LSAMP: variants seen among roughly 807,000 people sequenced by gnomAD.
LSAMP encodes limbic system-associated membrane protein.
In LSAMP, 7 loss-of-function variants were observed where a neutral mutation model predicts 38.6. That is an observed-to-expected ratio of 0.18 (90% CI 0.10 to 0.34). LSAMP has a LOEUF of 0.34. LSAMP is among the 10% of genes least tolerant of loss of function. The pLI is 1.00. For missense variants in LSAMP, 313 were observed against 420.0 expected (o/e 0.75, Z 2.23); for synonymous variants, 154 against 166.8 (o/e 0.92, Z 0.59).
intron 1 of LSAMP, among the ~76,000 whole-genome samples, chr3:116,225,977 C>T (rs1270214265): frequency 6.6e-6 from 1 of 152,124 alleles, no homozygotes; most frequent in Non-Finnish European, 1.5e-5. Context: ...AACTTATGTT[C>T]TGTGCATCTT....
At chr3:116,205,711 AT>A (rs1447421951) in intron 1 of LSAMP, among the ~76,000 whole-genome samples, 1 of 49,938 alleles carries the variant, frequency 2.0e-5, no homozygotes, top group South Asian at 7.6e-4. Context: ...ACATTTATTG[AT>A]TTGCATATAT....
At chr3:115,986,653 C>A (rs545640844) in intron 3 of LSAMP, among the ~76,000 whole-genome samples, 24 of 151,432 alleles carry the variant, frequency 1.6e-4, no homozygotes, top group Admixed American at 4.6e-4. Context: ...GGTGAGTGAT[C>A]ATCTCTACCC....
At chr3:116,278,828 C>A (rs1401697835) in intron 1 of LSAMP, among the ~76,000 whole-genome samples, 1 of 151,270 alleles carries the variant, frequency 6.6e-6, no homozygotes, top group African/African-American at 2.5e-5. Flanking sequence ...TGGATATCTG[C>A]CAAATTAAGT....
At chr3:116,174,879 C>CT (rs1710298661) in intron 1 of LSAMP, among the ~76,000 whole-genome samples, 1 of 152,126 alleles carries the variant, frequency 6.6e-6, no homozygotes, top group African/African-American at 2.4e-5. Flanking sequence ...GTCTTTGAAC[C>CT]TGGCTATATG....
At chr3:115,852,952 A>G (rs1252976342) in intron 3 of LSAMP, among the ~76,000 whole-genome samples, 1 of 152,112 alleles carries the variant, frequency 6.6e-6, no homozygotes, top group African/African-American at 2.4e-5. Flanking sequence ...CTCATGTCCC[A>G]CTTCAAAATT....
intron 2 of LSAMP, among the ~76,000 whole-genome samples, chr3:116,079,210 C>T (rs1282532013): frequency 1.3e-5 from 2 of 152,182 alleles, no homozygotes; most frequent in Admixed American, 6.5e-5. Flanking sequence ...TCCCAACTTT[C>T]CCAGATGTTT....
At chr3:116,325,815 C>T (rs1419222099) in intron 1 of LSAMP, among the ~76,000 whole-genome samples, 2 of 152,062 alleles carry the variant, frequency 1.3e-5, no homozygotes, top group South Asian at 4.1e-4. Context: ...TATTATTGAC[C>T]ACTACAGCAG....
intron 3 of LSAMP, among the ~76,000 whole-genome samples, chr3:116,001,772 CTCTGACCTTCCTGCTTCTCTCTG>C (rs1486387254): frequency 6.6e-6 from 1 of 152,224 alleles, no homozygotes; most frequent in Non-Finnish European, 1.5e-5. Flanking sequence ...TCCCTTGGCA[CTCTGACCTTCCTGCTTCTCTCTG>C]ATAAAGATCT....
rs558222344 is a variant in LSAMP, at chr3:115,933,652, C to T, written c.515-81035G>A. Among the ~76,000 whole-genome samples the T allele has an allele frequency of 2.6e-5, 4 of 152,242 alleles. No individual in the cohort carries two copies. The East Asian group carries it at 5.8e-4, about 22-fold the overall frequency. ...CCTGGTCTGCATAGGCATAGGAGCA[C>T]CCCTGGAAGAGTGTGCAGAGAAAAG... is the stretch of plus-strand genomic sequence containing the variant. On this transcript the variant is annotated intron_variant, in intron 3 of 6. Transcript: ENST00000490035.
intron 3 of LSAMP, among the ~76,000 whole-genome samples, chr3:115,868,208 C>T (rs573269928): frequency 2.4e-4 from 36 of 152,228 alleles, no homozygotes; most frequent in African/African-American, 8.4e-4. Flanking sequence ...ACAGAAAGAG[C>T]TGTGGGCCAT....
At chr3:116,027,907 G>A (rs1181763560) in intron 2 of LSAMP, among the ~76,000 whole-genome samples, 1 of 152,142 alleles carries the variant, frequency 6.6e-6, no homozygotes, top group African/African-American at 2.4e-5. Context: ...GTACAAATTA[G>A]CAACAAATTA....
chr3:116,289,433 A>G (rs1207520996), intron 1 of LSAMP, among the ~76,000 whole-genome samples: 1 of 152,200 alleles, frequency 6.6e-6, no homozygotes, highest in Non-Finnish European at 1.5e-5. Context: ...TCAAGAAAAC[A>G]GAATATCCAC....
rs141907207 is a variant in LSAMP, at chr3:116,319,526, A to G, written c.155+125351T>C. 5.2e-3 allele frequency among the ~76,000 whole-genome samples: 785 copies of G among 152,330 alleles called. 6 individuals are homozygous for G. The highest frequency in any genetic ancestry group is 0.017 in the Middle Eastern group (5 of 294). On this transcript the variant is annotated intron_variant, in intron 1 of 6. Transcript: ENST00000490035. ...CCTAGCTAATACATCAAACACAAAC[A>G]TGAATGAATAATAAATTTTTTAAAT...
intron 3 of LSAMP, among the ~76,000 whole-genome samples, chr3:115,863,615 A>T (rs1198330293): frequency 6.6e-6 from 1 of 151,812 alleles, no homozygotes; most frequent in African/African-American, 2.4e-5. Flanking sequence ...TGTTTACATA[A>T]TGTTAACAAT....
rs58596077 is a variant in LSAMP at position 116,221,844 on chromosome 3, AGTGTGTGT to A, written c.156-135296_156-135289del. Among the ~76,000 whole-genome samples the A allele has an allele frequency of 2.5e-4, 36 of 145,480 alleles. No homozygotes were observed. In the East Asian group the frequency reaches 5.8e-3, roughly 23 times the overall value. ...AACATTCTGCGTGATCCTAAAAAGA[AGTGTGTGT>A]GTGTGTGTGTGTGTGTGTGTGTGTG... On this transcript the variant is annotated intron_variant, in intron 1 of 6. Coordinates refer to ENST00000490035, the MANE Select transcript of LSAMP (RefSeq NM_002338.5).
chr3:115,884,530 C>T (rs944291507), intron 3 of LSAMP, among the ~76,000 whole-genome samples: 4 of 147,868 alleles, frequency 2.7e-5, no homozygotes, highest in Non-Finnish European at 4.6e-5. Flanking sequence ...TGATCATGGA[C>T]GATTAGAGAT....
At chr3:116,051,902 C>G (rs1941403529) in intron 2 of LSAMP, among the ~76,000 whole-genome samples, 1 of 152,180 alleles carries the variant, frequency 6.6e-6, no homozygotes, top group South Asian at 2.1e-4. Context: ...ACTAGTGGAA[C>G]AGCTGTCATA....
chr3:115,947,028 A>G (rs1938122024), intron 3 of LSAMP, among the ~76,000 whole-genome samples: 2 of 152,158 alleles, frequency 1.3e-5, no homozygotes, highest in Non-Finnish European at 1.5e-5. Flanking sequence ...CACCATATTA[A>G]CAGAATAAAT....
At chr3:116,167,416 G>A (rs1710086751) in intron 1 of LSAMP, among the ~76,000 whole-genome samples, 1 of 152,140 alleles carries the variant, frequency 6.6e-6, no homozygotes, top group Admixed American at 6.5e-5. Context: ...TCATCCAAAA[G>A]GATAGAGGAA....
Sources: gnomAD v4.1 joint callset for allele counts (sites outside exome capture counted in the v4.1 genomes callset) on GRCh38, gnomAD v4.1.1 for gene constraint, MANE v1.5 for transcripts, NCBI Gene and HGNC (gene_info 2026-07-23, HGNC 2026-07-21) for gene names.